MED12L: variants seen among roughly 807,000 people sequenced by gnomAD.
The protein encoded by MED12L is mediator complex subunit 12L, also known as mediator of RNA polymerase II transcription subunit 12-like protein.
Under a neutral mutation model 281.3 loss-of-function variants are expected in MED12L, and 60 were observed. The ratio of observed to expected loss-of-function variants is 0.21; its 90% confidence interval spans 0.17 to 0.26. The LOEUF is 0.26. Ranked by LOEUF, MED12L falls within the 10% of genes least tolerant of loss-of-function variation. The pLI, the probability that MED12L is intolerant of heterozygous loss-of-function variation, is 1.00. For synonymous variants in MED12L, 974 were observed against 987.2 expected (o/e 0.99, Z 0.25); for missense variants, 2,146 against 2,680.9 (o/e 0.80, Z 4.41).
intron 16 of MED12L, chr3:151,337,715 ATTAAC>A: frequency 1.7e-6 from 2 of 1,157,122 alleles, no homozygotes; most frequent in Non-Finnish European, 2.5e-6. Flanking sequence ...AGTCATTATT[ATTAAC>A]TTAGTTGCTT....
chr3:151,154,283 A>C (rs772222264), intron 5 of MED12L, among the ~76,000 whole-genome samples: 1 of 152,100 alleles, frequency 6.6e-6, no homozygotes, highest in Non-Finnish European at 1.5e-5. Flanking sequence ...GGCTTTATTT[A>C]TGGACTCCCA....
At chr3:151,365,394 T>C (rs1755153481) in intron 22 of MED12L, among the ~76,000 whole-genome samples, 188 bp downstream of exon 22, 1 of 152,216 alleles carries the variant, frequency 6.6e-6, no homozygotes, top group Non-Finnish European at 1.5e-5. Context: ...GAGACAGTGC[T>C]TTCTTATTTA....
At chr3:151,311,322 T>C (rs1054241822) in intron 16 of MED12L, among the ~76,000 whole-genome samples, 4 of 148,550 alleles carry the variant, frequency 2.7e-5, no homozygotes, top group Admixed American at 2.7e-4. Context: ...ATATATAAAC[T>C]GTGTGTGTGT....
chr3:151,193,698 G>A, intron 16 of MED12L, 32 bp downstream of exon 16: 1 of 1,530,748 alleles, frequency 6.5e-7, no homozygotes, highest in Non-Finnish European at 9.0e-7. Flanking sequence ...TCTATACCCT[G>A]ATTATTTTAT....
intron 3 of MED12L, among the ~76,000 whole-genome samples, chr3:151,119,283 CAG>C (rs1175321471): frequency 6.6e-6 from 1 of 151,576 alleles, no homozygotes; most frequent in Non-Finnish European, 1.5e-5. Context: ...ATTAATCTAC[CAG>C]GGCTGCTATA....
intron 21 of MED12L, among the ~76,000 whole-genome samples, chr3:151,364,517 G>C (rs1420183690): frequency 2.0e-5 from 3 of 151,986 alleles, no homozygotes; most frequent in Non-Finnish European, 4.4e-5. Context: ...GAATAGTCTT[G>C]GCACACGAAC....
At position 151,413,175 on chromosome 3, in the gene MED12L, G is replaced by T. The variant is rs745549575; in HGVS notation, c.6177G>T (p.Val2059=). The change falls in exon 42 of 45, where the codon GTG becomes GTT. Residue 2059 remains valine, a synonymous_variant. Coordinates refer to ENST00000687756, the MANE Select transcript of MED12L (RefSeq NM_001393769.1). ...AGGCTCTACAGCAGAGCCCTCTGGT[G>T]GGCGGGGGAATTGATGCTGTGCTGA... ...NHQALQQSPL[V]GGGIDAVLTS... 1.2e-6 allele frequency: 2 copies of T among 1,613,980 alleles called. No individual in the cohort carries two copies. The highest frequency in any genetic ancestry group is 2.7e-5 in the African/African-American group (2 of 74,916).
intron 16 of MED12L, among the ~76,000 whole-genome samples, chr3:151,302,787 C>T (rs1746118430): frequency 6.6e-6 from 1 of 152,124 alleles, no homozygotes; most frequent in South Asian, 2.1e-4. Context: ...TTCATAAGGT[C>T]GTTTACTAAG....
chr3:151,366,915 G>A (rs906863523), intron 23 of MED12L, among the ~76,000 whole-genome samples: 1 of 151,910 alleles, frequency 6.6e-6, no homozygotes, highest in African/African-American at 2.4e-5. Flanking sequence ...TAAAAAATTG[G>A]AATTAATAAT....
chr3:151,219,138 A>G (rs958611313), intron 16 of MED12L, among the ~76,000 whole-genome samples: 8 of 152,202 alleles, frequency 5.3e-5, no homozygotes, highest in Non-Finnish European at 1.2e-4. Flanking sequence ...TGTCAATGCC[A>G]AAGATTCAAT....
chr3:151,306,559 G>C (rs1460163577), intron 16 of MED12L, among the ~76,000 whole-genome samples: 2 of 152,238 alleles, frequency 1.3e-5, no homozygotes, highest in Non-Finnish European at 2.9e-5. Flanking sequence ...ACAACATCCA[G>C]GACTACTGAA....
chr3:151,110,150 A>T lies in MED12L; in HGVS notation c.100-6188A>T, dbSNP rs145537203. Among the ~76,000 whole-genome samples, 18 of 152,316 alleles carry T rather than the reference A, an allele frequency of 1.2e-4. 1 individual carries two copies. The East Asian group carries it at 3.3e-3, about 28-fold the overall frequency. ...CAAGAGGAAGCTATTTGTGTCCCTT[A>T]AACATTCTGGCTTGGGGGTTTTAGA... On this transcript the variant is annotated intron_variant, in intron 2 of 44. Coordinates refer to ENST00000687756, the MANE Select transcript of MED12L (RefSeq NM_001393769.1).
intron 2 of MED12L, 49 bp from the exon 3 acceptor site, chr3:151,116,289 G>T (rs746796926): frequency 7.4e-6 from 10 of 1,345,912 alleles, no homozygotes; most frequent in Non-Finnish European, 8.4e-6. Context: ...GTGGGATTAT[G>T]TTGAAGCTTT....
chr3:151,365,254 C>T (rs765334737), intron 22 of MED12L, 48 bp downstream of exon 22: 1 of 1,468,972 alleles, frequency 6.8e-7, no homozygotes, highest in Non-Finnish European at 9.5e-7. Context: ...GAGTTGTTGC[C>T]TTGGTGCTTC....
chr3:151,399,428 T>G (rs918702279), intron 39 of MED12L, among the ~76,000 whole-genome samples: 3 of 152,216 alleles, frequency 2.0e-5, no homozygotes, highest in African/African-American at 7.2e-5. Context: ...AAATTGCCAT[T>G]AATAGGATTG....
rs144604131 is a variant in MED12L at position 151,192,699 on chromosome 3, G to A, written c.2073+45G>A. 1.9e-4 allele frequency: 229 copies of A among 1,190,412 alleles called. No individual in the cohort carries two copies. The African/African-American group carries it at 2.7e-3, about 14-fold the overall frequency. The allele number at this position is 1,190,412 out of a possible 1,614,324, so 73.7% of individuals were successfully genotyped here. The stretch of plus-strand genomic sequence containing the variant: ...CTTATTGACAATTAAGAATTAACCC[G>A]TTCCCATCCCAGCCTGTCTCGATCC... On this transcript the variant is annotated intron_variant, in intron 15 of 44. Transcript: ENST00000687756.
In MED12L at chr3:151,166,028, GTT is replaced by G. The variant is rs750834117; in HGVS notation, c.1494+52_1494+53del. On this transcript the variant is annotated intron_variant, in intron 11 of 44. Coordinates refer to ENST00000687756, the MANE Select transcript of MED12L (RefSeq NM_001393769.1). Reference sequence around the variant, plus strand: ...TCTTTTCACCTTTTATTTTCATAGTGTTTTTTTCTTCTTTCTCATTCAGGAAA... The same window carrying G: ...TCTTTTCACCTTTTATTTTCATAGTGTTTTTCTTCTTTCTCATTCAGGAAA... 47 of 1,529,602 alleles carry G rather than the reference GTT, an allele frequency of 3.1e-5. No individual in the cohort carries two copies. The African/African-American group carries it at 5.9e-4, about 19-fold the overall frequency. The allele number at this position is 1,529,602 out of a possible 1,614,324, so 94.8% of individuals were successfully genotyped here. A position where few individuals can be genotyped will look rare whatever the true frequency, so the allele number is the denominator to read the frequency against.
At chr3:151,368,760 ATTTTTT>A (rs201834162) in intron 25 of MED12L, among the ~76,000 whole-genome samples, 7 of 80,288 alleles carry the variant, frequency 8.7e-5, no homozygotes, top group Admixed American at 5.1e-4. Context: ...ATGTCATTTC[ATTTTTT>A]TTTTTTTTTT....
At chr3:151,139,605 G>A (rs937691363) in intron 5 of MED12L, among the ~76,000 whole-genome samples, 1 of 152,200 alleles carries the variant, frequency 6.6e-6, no homozygotes, top group Non-Finnish European at 1.5e-5. Flanking sequence ...CAAGTTGTGA[G>A]AGGAGAATAT....
Sources: gnomAD v4.1 joint callset for allele counts (sites outside exome capture counted in the v4.1 genomes callset) on GRCh38, gnomAD v4.1.1 for gene constraint, MANE v1.5 for transcripts, NCBI Gene and HGNC (gene_info 2026-07-23, HGNC 2026-07-21) for gene names.